Variants in CTSO observed in about 807,000 individuals in gnomAD.
CTSO encodes the protein cathepsin O.
In CTSO, 40 loss-of-function variants were observed where a neutral mutation model predicts 42.4. The ratio of observed to expected loss-of-function variants is 0.94; its 90% CI spans 0.73 to 1.23. The LOEUF is 1.23. Ranked by LOEUF, CTSO falls within the 50% of genes most tolerant of loss-of-function variation. The pLI, the probability that CTSO is intolerant of heterozygous loss-of-function variation, is 0.00. For synonymous variants in CTSO, 156 were observed against 146.2 expected (o/e 1.07, Z -0.48); for missense variants, 441 against 396.0 (o/e 1.11, Z -0.96).
chr4:155,934,253 T>A (rs1391984507), intron 5 of CTSO, among the ~76,000 whole-genome samples: 2 of 152,206 alleles, frequency 1.3e-5, no homozygotes, highest in Non-Finnish European at 2.9e-5. Flanking sequence ...AGCCTGCGGG[T>A]ACATAGAAGA....
At chr4:155,934,493 C>T (rs564956474) in intron 5 of CTSO, among the ~76,000 whole-genome samples, 1 of 152,328 alleles carries the variant, frequency 6.6e-6, no homozygotes, top group East Asian at 1.9e-4. Context: ...TGACAGCTTG[C>T]ACTATGCACC....
chr4:155,938,835 A>G (rs1743376795), intron 4 of CTSO, among the ~76,000 whole-genome samples: 1 of 152,128 alleles, frequency 6.6e-6, no homozygotes, highest in Non-Finnish European at 1.5e-5. Context: ...GGGCACCTAT[A>G]GTTCCCAGCT....
intron 1 of CTSO, among the ~76,000 whole-genome samples, chr4:155,946,660 C>T (rs1469955286): frequency 1.3e-5 from 2 of 152,040 alleles, no homozygotes; most frequent in Non-Finnish European, 2.9e-5. Flanking sequence ...TTTCACAGCT[C>T]TCCATAGCCC....
At chr4:155,945,231 T>C (rs1743520059) in intron 1 of CTSO, among the ~76,000 whole-genome samples, 1 of 151,780 alleles carries the variant, frequency 6.6e-6, no homozygotes, top group African/African-American at 2.4e-5. Context: ...CACTCCAGCC[T>C]GGACGACAGA....
At chr4:155,950,239 T>C (rs1441985390) in intron 1 of CTSO, among the ~76,000 whole-genome samples, 1 of 152,338 alleles carries the variant, frequency 6.6e-6, no homozygotes, top group African/African-American at 2.4e-5. Flanking sequence ...GTCTTTACAT[T>C]CTTTTTATTT....
chr4:155,928,635 A>G (rs573038471), intron 6 of CTSO, among the ~76,000 whole-genome samples: 16 of 152,350 alleles, frequency 1.1e-4, no homozygotes, highest in African/African-American at 3.8e-4. Context: ...CAGTAGAAAT[A>G]TATGTTTGAA....
chr4:155,953,578 A>C (rs1482922009), intron 1 of CTSO, 135 bp downstream of exon 1: 4 of 1,091,396 alleles, frequency 3.7e-6, no homozygotes, highest in Non-Finnish European at 4.6e-6. Flanking sequence ...CCCGCAGCTC[A>C]GGGCCCCAGA....
rs1560783286 is a variant in CTSO, at chr4:155,927,502, G to T, written c.931+834C>A. 2.0e-5 allele frequency among the ~76,000 whole-genome samples: 3 copies of T among 152,184 alleles called. No homozygotes were observed. In the South Asian group the frequency reaches 6.2e-4, roughly 31 times the overall value. On this transcript the variant is annotated intron_variant, in intron 7 of 7. Transcript: ENST00000433477. ...GTTGTGTTTCAGGCTGGGCGTGGTG[G>T]CTCACGCCTGTAATCCCAGCACTTT...
chr4:155,936,510 G>A (rs1182014604), intron 5 of CTSO, among the ~76,000 whole-genome samples: 1 of 152,108 alleles, frequency 6.6e-6, no homozygotes, highest in South Asian at 2.1e-4. Flanking sequence ...TGTTTCAAAA[G>A]ACTGCAAAGT....
chr4:155,952,871 C>T (rs981497899), intron 1 of CTSO, among the ~76,000 whole-genome samples: 2 of 152,138 alleles, frequency 1.3e-5, no homozygotes, highest in African/African-American at 2.4e-5. Flanking sequence ...TAAATTAAAT[C>T]ATGATAATGG....
At chr4:155,931,433 AC>A (rs1431838258) in intron 5 of CTSO, among the ~76,000 whole-genome samples, 1 of 152,188 alleles carries the variant, frequency 6.6e-6, no homozygotes, top group African/African-American at 2.4e-5. Context: ...AATCAAAGAA[AC>A]AATTTAGTAA....
At chr4:155,928,892 C>T (rs1270044082) in intron 6 of CTSO, among the ~76,000 whole-genome samples, 2 of 152,170 alleles carry the variant, frequency 1.3e-5, no homozygotes, top group African/African-American at 4.8e-5. Flanking sequence ...GGAACAGGCC[C>T]CCCAAATCCG....
At chr4:155,950,286 A>G (rs1036451780) in intron 1 of CTSO, among the ~76,000 whole-genome samples, 4 of 152,232 alleles carry the variant, frequency 2.6e-5, no homozygotes, top group African/African-American at 9.6e-5. Flanking sequence ...CAATGCTTAA[A>G]CATAACGATA....
Position 155,953,859 on chromosome 4 carries a change from G to A in CTSO, c.-12C>T. 1.6e-6 allele frequency: 2 copies of A among 1,268,838 alleles called. No homozygotes were observed. The highest frequency in any genetic ancestry group is 2.0e-6 in the Non-Finnish European group (2 of 1,010,264). The allele number at this position is 1,268,838 out of a possible 1,614,324, so 78.6% of individuals were successfully genotyped here. On this transcript the variant is annotated 5_prime_UTR_variant, in exon 1 of 8. Coordinates refer to ENST00000433477, the MANE Select transcript of CTSO (RefSeq NM_001334.3). ...GCCCGCACGTCCATTGCGGCGCCCG[G>A]CTCCTCTGCCGCCCGCGCGGCCTGT...
chr4:155,928,199 C>CAA, intron 7 of CTSO, 137 bp downstream of exon 7: 2 of 408,132 alleles, frequency 4.9e-6, no homozygotes. Flanking sequence ...TCTTGCAAAA[C>CAA]ACTTTTTTTT....
chr4:155,932,840 T>C (rs1376939872), intron 5 of CTSO, among the ~76,000 whole-genome samples: 1 of 152,330 alleles, frequency 6.6e-6, no homozygotes, highest in East Asian at 1.9e-4. Context: ...AACTGAACTC[T>C]TACTGTTTCC....
At chr4:155,933,278 T>TTGGA (rs1309713173) in intron 5 of CTSO, among the ~76,000 whole-genome samples, 6 of 152,254 alleles carry the variant, frequency 3.9e-5, no homozygotes, top group African/African-American at 1.4e-4. Context: ...CCACTTCTCC[T>TTGGA]TCTTCCTCAA....
chr4:155,936,737 C>T (rs1743338011), intron 5 of CTSO, among the ~76,000 whole-genome samples: 1 of 152,146 alleles, frequency 6.6e-6, no homozygotes, highest in Admixed American at 6.6e-5. Flanking sequence ...AGTCCTTTTC[C>T]TCAGCCTGTC....
At chr4:155,936,280 G>GT (rs144348993) in intron 5 of CTSO, among the ~76,000 whole-genome samples, 10,808 of 152,162 alleles carry the variant, frequency 0.071, 508 homozygotes, top group South Asian at 0.17. Context: ...GAGGACCCTT[G>GT]TTGCAGACCG....
Sources: gnomAD v4.1 joint callset for allele counts (sites outside exome capture counted in the v4.1 genomes callset) on GRCh38, gnomAD v4.1.1 for gene constraint, MANE v1.5 for transcripts, NCBI Gene and HGNC (gene_info 2026-07-23, HGNC 2026-07-21) for gene names.